Variants in SETBP1 observed in about 807,000 individuals in gnomAD.
SETBP1 encodes SET binding protein 1.
A neutral mutation model predicts 101.0 loss-of-function variants in SETBP1; 9 were observed. The observed-to-expected ratio is 0.09, with a 90% CI of 0.05 to 0.16. The LOEUF is 0.16. SETBP1 is among the 10% of genes least tolerant of loss of function. The pLI, the probability that SETBP1 is intolerant of heterozygous loss-of-function variation, is 1.00. For missense variants in SETBP1, 1,858 were observed against 2,033.8 expected (o/e 0.91, Z 1.66); for synonymous variants, 818 against 788.5 (o/e 1.04, Z -0.63).
chr18:44,806,089 C>A (rs1041969832), intron 2 of SETBP1, among the ~76,000 whole-genome samples: 12 of 152,088 alleles, frequency 7.9e-5, no homozygotes, highest in Non-Finnish European at 1.8e-4. Flanking sequence ...TCCTGAAGTA[C>A]CATGTGTGCA....
chr18:44,869,157 T>C, intron 2 of SETBP1, 73 bp from the exon 3 acceptor site: 1 of 1,317,232 alleles, frequency 7.6e-7, no homozygotes, highest in Non-Finnish European at 1.1e-6. Flanking sequence ...AGTCCATTGC[T>C]GGTCAGTTGT....
chr18:44,863,590 A>T (rs773580781), intron 2 of SETBP1, among the ~76,000 whole-genome samples: 1 of 152,250 alleles, frequency 6.6e-6, no homozygotes, highest in African/African-American at 2.4e-5. Context: ...TACGAAATAA[A>T]GAGGGAGAAA....
chr18:45,037,152 G>A (rs1342804646), intron 4 of SETBP1, among the ~76,000 whole-genome samples: 1 of 152,160 alleles, frequency 6.6e-6, no homozygotes, highest in Non-Finnish European at 1.5e-5. Flanking sequence ...ATATGGTAAG[G>A]CCCAATTTGT....
At chr18:45,027,701 C>A (rs1423655376) in intron 4 of SETBP1, among the ~76,000 whole-genome samples, 2 of 152,112 alleles carry the variant, frequency 1.3e-5, no homozygotes, top group Non-Finnish European at 2.9e-5. Flanking sequence ...AAATGGGCAC[C>A]AAAGGAAGTG....
At position 45,064,755 on chromosome 18, in the gene SETBP1, A is replaced by G. The variant is rs2073945540; in HGVS notation, c.*1057A>G. The G allele has an allele frequency of 6.6e-6, 1 of 151,508 alleles. No individual in the cohort carries two copies. The highest frequency in any genetic ancestry group is 2.1e-4 in the South Asian group (1 of 4,790). 9.4% of individuals were successfully genotyped at this position (151,508 alleles called of 1,614,324 possible). Reference sequence around the variant, plus strand: ...AGACCCACCAGAAAGACAAGTGTCTAGCAATGCCTTGGTACCTGATCTTTT... The same window carrying G: ...AGACCCACCAGAAAGACAAGTGTCTGGCAATGCCTTGGTACCTGATCTTTT... On this transcript the variant is annotated 3_prime_UTR_variant, in exon 6 of 6. Transcript: ENST00000649279.
intron 3 of SETBP1, among the ~76,000 whole-genome samples, chr18:44,883,817 G>C (rs374729753): frequency 6.6e-6 from 1 of 152,156 alleles, no homozygotes; most frequent in East Asian, 1.9e-4. Context: ...TGAAATTGCA[G>C]AACTGGGTTT....
chr18:44,688,154 T>C (rs1336186502), intron 1 of SETBP1, among the ~76,000 whole-genome samples: 1 of 152,216 alleles, frequency 6.6e-6, no homozygotes, highest in Non-Finnish European at 1.5e-5. Context: ...ACCCAGGATC[T>C]AGTAAAGGAT....
intron 2 of SETBP1, among the ~76,000 whole-genome samples, chr18:44,804,834 T>A (rs1568154888): frequency 6.6e-6 from 1 of 152,146 alleles, no homozygotes; most frequent in Non-Finnish European, 1.5e-5. Flanking sequence ...CATCGTTTCT[T>A]ACACTCTCAT....
At chr18:45,051,239 G>C (rs888548175) in intron 5 of SETBP1, among the ~76,000 whole-genome samples, 5 of 152,106 alleles carry the variant, frequency 3.3e-5, no homozygotes, top group Admixed American at 3.3e-4. Context: ...GATGATGAAT[G>C]AGCTTTTTCT....
At chr18:44,892,272 C>T (rs1002136696) in intron 3 of SETBP1, among the ~76,000 whole-genome samples, 50 of 152,246 alleles carry the variant, frequency 3.3e-4, no homozygotes, top group South Asian at 1.4e-3. Context: ...CTAGCTGTTT[C>T]GTTGGTGGAG....
chr18:45,031,000 T>G lies in SETBP1; in HGVS notation c.4001-7485T>G, dbSNP rs540017443. Among the ~76,000 whole-genome samples the G allele has an allele frequency of 3.4e-3, 513 of 152,108 alleles. 1 individual carries two copies. The highest frequency in any genetic ancestry group is 5.4e-3 in the Non-Finnish European group (364 of 67,998). On this transcript the variant is annotated intron_variant, in intron 4 of 5. Transcript: ENST00000649279. ...TTAATTTTTTGAAGGGTTTTTTGTGTCTCTATTTCCTTCAGTTCTGCTCTG... is the reference window on the plus strand; with the variant it reads ...TTAATTTTTTGAAGGGTTTTTTGTGGCTCTATTTCCTTCAGTTCTGCTCTG...
At chr18:44,812,538 A>C (rs1284868055) in intron 2 of SETBP1, among the ~76,000 whole-genome samples, 1 of 152,062 alleles carries the variant, frequency 6.6e-6, no homozygotes, top group Non-Finnish European at 1.5e-5. Flanking sequence ...ATTGCATGTG[A>C]GATATTTTTG....
At chr18:44,974,039 T>A (rs1010240533) in intron 4 of SETBP1, among the ~76,000 whole-genome samples, 2 of 152,174 alleles carry the variant, frequency 1.3e-5, no homozygotes, top group Non-Finnish European at 2.9e-5. Flanking sequence ...AAAAGGAAAA[T>A]TTTTAAAAAT....
At chr18:45,027,931 A>G (rs2073202621) in intron 4 of SETBP1, among the ~76,000 whole-genome samples, 2 of 152,244 alleles carry the variant, frequency 1.3e-5, no homozygotes, top group South Asian at 4.1e-4. Context: ...GCATTCCGTG[A>G]TCATGACTTC....
At chr18:44,716,076 T>G (rs549914590) in intron 2 of SETBP1, among the ~76,000 whole-genome samples, 1 of 152,000 alleles carries the variant, frequency 6.6e-6, no homozygotes, top group Non-Finnish European at 1.5e-5. Context: ...TTTCAGAAGA[T>G]TTTTTTTTAA....
intron 4 of SETBP1, among the ~76,000 whole-genome samples, chr18:44,955,639 G>C (rs2071465815): frequency 6.6e-6 from 1 of 152,138 alleles, no homozygotes; most frequent in East Asian, 1.9e-4. Context: ...GAACTGTCCA[G>C]GTTCAAAAAA....
At chr18:44,965,284 A>ACACACACACAC (rs76103547) in intron 4 of SETBP1, among the ~76,000 whole-genome samples, 1 of 147,026 alleles carries the variant, frequency 6.8e-6, no homozygotes, top group African/African-American at 2.5e-5. Flanking sequence ...CATGCACACA[A>ACACACACACAC]ACACACACAC....
intron 2 of SETBP1, among the ~76,000 whole-genome samples, chr18:44,762,745 A>G (rs1470967062): frequency 1.3e-5 from 2 of 152,226 alleles, no homozygotes; most frequent in Non-Finnish European, 2.9e-5. Context: ...CGTCACCATC[A>G]ATGATTAGCA....
intron 2 of SETBP1, among the ~76,000 whole-genome samples, chr18:44,795,574 A>C (rs1234907273): frequency 6.6e-6 from 1 of 152,156 alleles, no homozygotes; most frequent in African/African-American, 2.4e-5. Context: ...TCTGATGAAA[A>C]CCTGAAGAAT....
Sources: allele counts gnomAD v4.1 joint callset (sites outside exome capture counted in the v4.1 genomes callset), GRCh38; gene constraint gnomAD v4.1.1; transcripts MANE v1.5; gene names NCBI Gene and HGNC (gene_info 2026-07-23, HGNC 2026-07-21).